LRRK2: variants seen among roughly 807,000 people sequenced by gnomAD.
LRRK2 encodes the protein leucine rich repeat kinase 2, also known as leucine-rich repeat serine/threonine-protein kinase 2.
In LRRK2, 203 loss-of-function variants were observed where a neutral mutation model predicts 302.6. The observed-to-expected ratio is 0.67, with a 90% CI of 0.60 to 0.75. LRRK2 has a LOEUF of 0.75. Among genes scored for constraint, LRRK2 ranks in the 30% least tolerant of loss-of-function variants. The pLI is 0.00. For missense variants in LRRK2, 2,830 were observed against 2,951.0 expected, an observed-to-expected ratio of 0.96 and a Z score of 0.95; for synonymous variants, 1,066 against 1,031.9, an observed-to-expected ratio of 1.03 and a Z score of -0.63.
chr12:40,291,431 A>ATATATAT (rs1944153457), intron 20 of LRRK2, among the ~76,000 whole-genome samples: 1 of 146,340 alleles, frequency 6.8e-6, no homozygotes, highest in Admixed American at 6.9e-5. Context: ...AGTATAATAA[A>ATATATAT]ATATATATAT....
At chr12:40,267,772 G>A (rs1275048499) in intron 14 of LRRK2, among the ~76,000 whole-genome samples, 1 of 152,090 alleles carries the variant, frequency 6.6e-6, no homozygotes, top group Admixed American at 6.6e-5. Context: ...CCTTCATCAT[G>A]GTTGAGGAAA....
chr12:40,277,106 T>G (rs902865455), intron 16 of LRRK2, among the ~76,000 whole-genome samples: 4 of 152,170 alleles, frequency 2.6e-5, no homozygotes, highest in Non-Finnish European at 4.4e-5. Context: ...ATTACAGGTG[T>G]GAGCCATGGT....
At chr12:40,303,670 T>C (rs1406061344) in intron 26 of LRRK2, among the ~76,000 whole-genome samples, 5 of 152,084 alleles carry the variant, frequency 3.3e-5, no homozygotes, top group African/African-American at 1.2e-4. Context: ...CTAACTACTC[T>C]ACAGCGGTTC....
At chr12:40,345,873 AAATT>A (rs1210351334) in intron 41 of LRRK2, among the ~76,000 whole-genome samples, 2 of 152,140 alleles carry the variant, frequency 1.3e-5, no homozygotes, top group African/African-American at 2.4e-5. Context: ...ACAGCTAAGA[AAATT>A]AATTCAGTTG....
chr12:40,346,125 T>C (rs1946184986), intron 41 of LRRK2, among the ~76,000 whole-genome samples: 2 of 152,174 alleles, frequency 1.3e-5, no homozygotes, highest in South Asian at 4.1e-4. Context: ...TTTATCTGTC[T>C]TATGGAATAA....
At chr12:40,330,302 G>A (rs2136921819) in intron 39 of LRRK2, among the ~76,000 whole-genome samples, 1 of 152,106 alleles carries the variant, frequency 6.6e-6, no homozygotes, top group African/African-American at 2.4e-5. Context: ...TTATTTTTTA[G>A]GAATCTAGGC....
chr12:40,267,716 T>C (rs1392524860), intron 14 of LRRK2, among the ~76,000 whole-genome samples: 2 of 152,062 alleles, frequency 1.3e-5, no homozygotes, highest in East Asian at 3.9e-4. Flanking sequence ...GAAACACAAG[T>C]AACAATATTT....
At chr12:40,233,328 A>G (rs565278206) in intron 3 of LRRK2, among the ~76,000 whole-genome samples, 1 of 152,198 alleles carries the variant, frequency 6.6e-6, no homozygotes, top group African/African-American at 2.4e-5. Context: ...TTGGCTTCCA[A>G]TGGTATATGG....
intron 41 of LRRK2, among the ~76,000 whole-genome samples, chr12:40,342,095 A>T (rs1946061844): frequency 6.6e-6 from 1 of 152,126 alleles, no homozygotes; most frequent in Non-Finnish European, 1.5e-5. Flanking sequence ...CTTTCTGTTC[A>T]TGGGGTGAAA....
At chr12:40,241,681 A>G (rs1185844930) in intron 6 of LRRK2, among the ~76,000 whole-genome samples, 1 of 152,196 alleles carries the variant, frequency 6.6e-6, no homozygotes, top group African/African-American at 2.4e-5. Context: ...TTATTAGACA[A>G]TATGTATTTT....
intron 5 of LRRK2, among the ~76,000 whole-genome samples, chr12:40,240,199 T>A (rs1250058553): frequency 6.6e-6 from 1 of 152,228 alleles, no homozygotes; most frequent in Non-Finnish European, 1.5e-5. Flanking sequence ...CAAATGAAAT[T>A]GTAAATAATT....
At chr12:40,318,738 T>C (rs761062116) in intron 33 of LRRK2, among the ~76,000 whole-genome samples, 6 of 152,046 alleles carry the variant, frequency 3.9e-5, no homozygotes, top group Non-Finnish European at 7.4e-5. Context: ...CAGTTGGAGA[T>C]GAATTGTCAA....
At chr12:40,339,379 T>C (rs777414357) in intron 40 of LRRK2, among the ~76,000 whole-genome samples, 17 of 152,256 alleles carry the variant, frequency 1.1e-4, no homozygotes, top group Non-Finnish European at 2.4e-4. Context: ...TATAGACATC[T>C]AATGTGATAA....
intron 18 of LRRK2, among the ~76,000 whole-genome samples, chr12:40,282,457 G>A (rs1363743150): frequency 6.6e-6 from 1 of 152,042 alleles, no homozygotes; most frequent in Non-Finnish European, 1.5e-5. Context: ...GGCCTGAGAG[G>A]TTAGTAGCAA....
rs374726734 is a variant in LRRK2 at position 40,270,993 on chromosome 12, T to A, written c.1657-3590T>A. On this transcript the variant is annotated intron_variant, in intron 14 of 50. Transcript: ENST00000298910. ...CAGGGTCTCACTATGTTGCCCAGGC[T>A]GGTCTCAAACTCCTTGACTCAAGCA... Among the ~76,000 whole-genome samples, 37 of 152,230 alleles carry A rather than the reference T, an allele frequency of 2.4e-4. No individual in the cohort carries two copies. In the South Asian group the frequency reaches 4.4e-3, roughly 18 times the overall value.
intron 4 of LRRK2, among the ~76,000 whole-genome samples, chr12:40,236,431 G>T (rs551957469): frequency 6.6e-6 from 1 of 152,262 alleles, no homozygotes; most frequent in African/African-American, 2.4e-5. Context: ...ACTTTGGCCT[G>T]GTAGATAATG....
chr12:40,344,545 G>A (rs989384968), intron 41 of LRRK2, among the ~76,000 whole-genome samples: 6 of 152,040 alleles, frequency 3.9e-5, no homozygotes, highest in Non-Finnish European at 7.4e-5. Context: ...GGATTATGTC[G>A]TTTGTAAAAT....
intron 5 of LRRK2, among the ~76,000 whole-genome samples, chr12:40,240,227 G>T (rs1175257601): frequency 2.6e-5 from 4 of 152,092 alleles, no homozygotes; most frequent in Non-Finnish European, 4.4e-5. Flanking sequence ...TCTGAGAACT[G>T]CTTGCTGACT....
intron 11 of LRRK2, 146 bp downstream of exon 11, chr12:40,253,162 A>G (rs1942354836): frequency 1.7e-6 from 1 of 595,366 alleles, no homozygotes; most frequent in Non-Finnish European, 3.0e-6. Flanking sequence ...ATGTATTGAC[A>G]TATGGATTAT....
Sources: gnomAD v4.1 joint callset for allele counts (sites outside exome capture counted in the v4.1 genomes callset) on GRCh38, gnomAD v4.1.1 for gene constraint, MANE v1.5 for transcripts, NCBI Gene and HGNC (gene_info 2026-07-23, HGNC 2026-07-21) for gene names.